VWC2: variants seen among roughly 807,000 people sequenced by gnomAD.
VWC2 encodes the protein brorin.
VWC2 carries 14 observed loss-of-function variants against 29.8 expected under a neutral mutation model. The ratio of observed to expected loss-of-function variants is 0.47; its 90% confidence interval spans 0.31 to 0.74. The LOEUF (loss-of-function observed/expected upper bound fraction) is 0.74, where lower values mean the gene tolerates loss of function less well. Among genes scored for constraint, VWC2 ranks in the 30% least tolerant of loss-of-function variants. The pLI is 0.05. For synonymous variants in VWC2, 213 were observed against 199.0 expected, an observed-to-expected ratio of 1.07 and a Z score of -0.59; for missense variants, 457 against 459.8, an observed-to-expected ratio of 0.99 and a Z score of 0.05.
chr7:49,859,977 CTTATAT>C (rs1790586117), intron 3 of VWC2, among the ~76,000 whole-genome samples: 1 of 151,568 alleles, frequency 6.6e-6, no homozygotes, highest in Middle Eastern at 3.4e-3. Flanking sequence ...TAAATATATA[CTTATAT>C]TTATATACAT....
chr7:49,781,493 G>A (rs1190425864), intron 2 of VWC2, among the ~76,000 whole-genome samples: 1 of 152,042 alleles, frequency 6.6e-6, no homozygotes, highest in African/African-American at 2.4e-5. Context: ...AGACTGAGTT[G>A]GTGGTATTTT....
chr7:49,900,002 A>C (rs886617065), intron 3 of VWC2, among the ~76,000 whole-genome samples: 1 of 151,904 alleles, frequency 6.6e-6, no homozygotes, highest in African/African-American at 2.4e-5. Flanking sequence ...TAAATTAGAT[A>C]TCAGTAATAG....
intron 3 of VWC2, 111 bp from the exon 4 acceptor site, chr7:49,911,923 G>GCAGACACACACACA: frequency 2.9e-6 from 1 of 344,564 alleles, no homozygotes; most frequent in South Asian, 1.2e-4. Flanking sequence ...ACAAATACAC[G>GCAGACACACACACA]CACACACACA....
At chr7:49,829,521 C>T (rs1182711859) in intron 3 of VWC2, among the ~76,000 whole-genome samples, 2 of 152,320 alleles carry the variant, frequency 1.3e-5, no homozygotes, top group South Asian at 2.1e-4. Flanking sequence ...CTAATATCCC[C>T]GTTCATTTGT....
intron 3 of VWC2, among the ~76,000 whole-genome samples, chr7:49,844,503 G>T (rs1171901988): frequency 6.6e-6 from 1 of 152,074 alleles, no homozygotes; most frequent in Non-Finnish European, 1.5e-5. Context: ...TCAATTAATT[G>T]TATATCCATT....
At chr7:49,848,093 T>G (rs546224690) in intron 3 of VWC2, among the ~76,000 whole-genome samples, 12 of 152,288 alleles carry the variant, frequency 7.9e-5, no homozygotes, top group African/African-American at 2.4e-4. Context: ...TAGATCTGTC[T>G]CTGGGAGAAA....
intron 3 of VWC2, among the ~76,000 whole-genome samples, chr7:49,823,099 T>C (rs897032581): frequency 5.4e-4 from 82 of 152,350 alleles, no homozygotes; most frequent in Admixed American, 2.0e-3. Flanking sequence ...AAAGTGGCTG[T>C]TCTGTTGAGC....
At chr7:49,812,229 G>A (rs1789029588) in intron 3 of VWC2, among the ~76,000 whole-genome samples, 1 of 152,088 alleles carries the variant, frequency 6.6e-6, no homozygotes. Context: ...TGAGTTGTTA[G>A]GTGGATACAC....
At position 49,773,841 on chromosome 7, in the gene VWC2, C is replaced by T. The variant is rs1036496667; in HGVS notation, c.-376C>T. The T allele has an allele frequency of 6.6e-6, 1 of 152,444 alleles. No individual in the cohort carries two copies. The highest frequency in any genetic ancestry group is 6.5e-5 in the Admixed American group (1 of 15,280). 9.4% of individuals were successfully genotyped at this position (152,444 alleles called of 1,614,324 possible). ...GGTCTCGGAGAAGCGGGGACGAGGC[C>T]GGAGGATGAGCGACTGAGGGCGACG... On this transcript the variant is annotated 5_prime_UTR_variant, in exon 1 of 4. Transcript: ENST00000340652.
chr7:49,901,043 G>A (rs1792696376), intron 3 of VWC2: 1 of 151,764 alleles, frequency 6.6e-6, no homozygotes, highest in African/African-American at 2.4e-5. Flanking sequence ...TTATGATAAG[G>A]TAAACTAGGA....
intron 3 of VWC2, among the ~76,000 whole-genome samples, chr7:49,876,855 A>G (rs970627009): frequency 6.6e-6 from 1 of 152,124 alleles, no homozygotes; most frequent in Non-Finnish European, 1.5e-5. Flanking sequence ...TCTAAAGAAT[A>G]TGACACAACG....
chr7:49,885,313 C>T (rs889414271), intron 3 of VWC2, among the ~76,000 whole-genome samples: 12 of 151,846 alleles, frequency 7.9e-5, no homozygotes, highest in Non-Finnish European at 1.2e-4. Context: ...AATTTCATAA[C>T]GTTAGGATAA....
chr7:49,796,695 T>C (rs987216052), intron 2 of VWC2, among the ~76,000 whole-genome samples: 11 of 152,358 alleles, frequency 7.2e-5, no homozygotes, highest in Admixed American at 5.9e-4. Context: ...AGCTGCTTTC[T>C]GTAACATTTC....
At chr7:49,845,992 A>G (rs1374679945) in intron 3 of VWC2, among the ~76,000 whole-genome samples, 3 of 152,252 alleles carry the variant, frequency 2.0e-5, no homozygotes, top group African/African-American at 7.2e-5. Flanking sequence ...TGGTACAGTC[A>G]TGATAAAAGA....
chr7:49,793,545 T>C (rs563867447), intron 2 of VWC2, among the ~76,000 whole-genome samples: 1 of 152,300 alleles, frequency 6.6e-6, no homozygotes, highest in South Asian at 2.1e-4. Context: ...CTGACATTGA[T>C]AGAAGCAACA....
chr7:49,871,705 G>C (rs1226709380), intron 3 of VWC2, among the ~76,000 whole-genome samples: 1 of 151,906 alleles, frequency 6.6e-6, no homozygotes, highest in Non-Finnish European at 1.5e-5. Context: ...TGTTGGGCAG[G>C]GGATTTAGAT....
At chr7:49,886,710 G>GT (rs373993739) in intron 3 of VWC2, among the ~76,000 whole-genome samples, 2 of 152,222 alleles carry the variant, frequency 1.3e-5, no homozygotes, top group African/African-American at 2.4e-5. Flanking sequence ...CTATTATGTA[G>GT]TTTTTTAAAA....
At chr7:49,897,303 G>A (rs545949530) in intron 3 of VWC2, among the ~76,000 whole-genome samples, 53 of 152,256 alleles carry the variant, frequency 3.5e-4, no homozygotes, top group African/African-American at 1.2e-3. Context: ...CTCATTCCAT[G>A]AAGTTATTAT....
At chr7:49,835,230 G>C (rs1196426411) in intron 3 of VWC2, among the ~76,000 whole-genome samples, 1 of 152,210 alleles carries the variant, frequency 6.6e-6, no homozygotes, top group East Asian at 1.9e-4. Flanking sequence ...AGTTAGTCCA[G>C]AGCCCACCTA....
Sources: allele counts gnomAD v4.1 joint callset (sites outside exome capture counted in the v4.1 genomes callset), GRCh38; gene constraint gnomAD v4.1.1; transcripts MANE v1.5; gene names NCBI Gene and HGNC (gene_info 2026-07-23, HGNC 2026-07-21).